SNX29: variants seen among roughly 807,000 people sequenced by gnomAD.
The protein encoded by SNX29 is sorting nexin-29.
Under a neutral mutation model 102.1 loss-of-function variants are expected in SNX29, and 78 were observed. The ratio of observed to expected loss-of-function variants is 0.76; its 90% CI spans 0.64 to 0.92. The LOEUF is 0.92. SNX29 is among the 40% of genes least tolerant of loss of function. SNX29 has a pLI of 0.00. For synonymous variants in SNX29, 580 were observed against 414.5 expected, an observed-to-expected ratio of 1.40 and a Z score of -4.85; for missense variants, 1,280 against 1,061.7, an observed-to-expected ratio of 1.21 and a Z score of -2.86.
intron 19 of SNX29, among the ~76,000 whole-genome samples, chr16:12,518,079 C>T (rs185564355): frequency 1.9e-4 from 29 of 152,272 alleles, no homozygotes; most frequent in African/African-American, 5.5e-4. Context: ...CCATGAGCCA[C>T]GCTAGTTTAG....
At chr16:12,291,228 A>G (rs759509823) in intron 15 of SNX29, among the ~76,000 whole-genome samples, 1 of 152,178 alleles carries the variant, frequency 6.6e-6, no homozygotes, top group Non-Finnish European at 1.5e-5. Context: ...AAGACCGGGA[A>G]GAAAAAGAGG....
At position 12,069,030 on chromosome 16, in the gene SNX29, C is replaced by G. The variant is rs143474312; in HGVS notation, c.1244-27C>G. On this transcript the variant is annotated intron_variant, in intron 9 of 20. Coordinates refer to ENST00000566228, the MANE Select transcript of SNX29 (RefSeq NM_032167.5). The stretch of plus-strand genomic sequence containing the variant: ...GAACATGTAGTGAGAAAAGTGACCT[C>G]TTTCTGTGATTGCTCTCTCTGCACA... 2.2e-4 allele frequency: 357 copies of G among 1,609,792 alleles called. 4 individuals carry two copies. The East Asian group carries it at 7.2e-3, about 32-fold the overall frequency.
intron 11 of SNX29, chr16:12,090,288 G>T (rs1393976109): frequency 2.0e-5 from 3 of 152,350 alleles, no homozygotes; most frequent in Non-Finnish European, 4.4e-5. Context: ...GGCATCCTTT[G>T]TGATTGGAGC....
chr16:12,466,510 G>C (rs2087058134), intron 18 of SNX29, among the ~76,000 whole-genome samples: 1 of 152,196 alleles, frequency 6.6e-6, no homozygotes, highest in Non-Finnish European at 1.5e-5. Context: ...ACTACCAGAT[G>C]AACCTGCCGT....
intron 20 of SNX29, among the ~76,000 whole-genome samples, chr16:12,548,691 C>G (rs1055181931): frequency 1.3e-5 from 2 of 152,220 alleles, no homozygotes; most frequent in Non-Finnish European, 2.9e-5. Context: ...GCCCAGAGCA[C>G]TGCAGGGCAT....
chr16:12,414,210 T>TA (rs2084530380), intron 18 of SNX29, among the ~76,000 whole-genome samples: 1 of 152,122 alleles, frequency 6.6e-6, no homozygotes, highest in Admixed American at 6.6e-5. Flanking sequence ...CTGACTGTAT[T>TA]AAAAATTAAA....
intron 15 of SNX29, among the ~76,000 whole-genome samples, chr16:12,326,333 T>TTA (rs985452664): frequency 2.0e-5 from 3 of 150,014 alleles, no homozygotes; most frequent in Admixed American, 6.6e-5. Flanking sequence ...TTTTGTCTTT[T>TTA]TTTTTTTTTC....
At chr16:12,531,196 G>A (rs1466795406) in intron 20 of SNX29, among the ~76,000 whole-genome samples, 1 of 152,212 alleles carries the variant, frequency 6.6e-6, no homozygotes, top group Non-Finnish European at 1.5e-5. Flanking sequence ...CAGAACAGCT[G>A]CAAGAAGCAG....
chr16:12,347,625 C>T (rs1194167755), intron 15 of SNX29, among the ~76,000 whole-genome samples: 6 of 152,124 alleles, frequency 3.9e-5, no homozygotes, highest in African/African-American at 1.4e-4. Context: ...ATATGTAAAA[C>T]ACTTAGAGTG....
chr16:12,135,575 A>G (rs975887680), intron 13 of SNX29: 5 of 1,335,298 alleles, frequency 3.7e-6, no homozygotes, highest in Non-Finnish European at 2.0e-6. Context: ...TTGTGAGGAG[A>G]TTCTAACCCC....
intron 15 of SNX29, among the ~76,000 whole-genome samples, chr16:12,355,420 A>C (rs1160242995): frequency 6.6e-6 from 1 of 152,136 alleles, no homozygotes; most frequent in Non-Finnish European, 1.5e-5. Flanking sequence ...GTTAGTGCTT[A>C]GGTGAGTCCT....
chr16:12,137,785 G>T (rs2054715863), intron 13 of SNX29, among the ~76,000 whole-genome samples: 1 of 152,224 alleles, frequency 6.6e-6, no homozygotes, highest in Non-Finnish European at 1.5e-5. Context: ...TGGGAATTGA[G>T]AAGGTCAGGC....
intron 1 of SNX29, among the ~76,000 whole-genome samples, chr16:11,982,691 A>G (rs1244892911): frequency 6.6e-6 from 1 of 152,060 alleles, no homozygotes; most frequent in Non-Finnish European, 1.5e-5. Context: ...GGCCTCCCAA[A>G]GTGCTGGGAT....
chr16:12,294,120 C>T (rs1453540247), intron 15 of SNX29, among the ~76,000 whole-genome samples: 2 of 152,234 alleles, frequency 1.3e-5, no homozygotes, highest in African/African-American at 4.8e-5. Context: ...ATGTGAGAAT[C>T]GAAATCCTAG....
intron 7 of SNX29, among the ~76,000 whole-genome samples, chr16:12,050,602 C>T (rs960629346): frequency 2.6e-5 from 4 of 152,076 alleles, no homozygotes; most frequent in African/African-American, 2.4e-5. Flanking sequence ...ATCCTCCAGT[C>T]GGCTGAACTG....
At chr16:12,231,189 G>A (rs908923809) in intron 14 of SNX29, among the ~76,000 whole-genome samples, 6 of 152,122 alleles carry the variant, frequency 3.9e-5, no homozygotes, top group African/African-American at 1.4e-4. Flanking sequence ...TGTCTGATTA[G>A]GAAACAGAGG....
At chr16:12,060,286 C>T (rs995688220) in intron 8 of SNX29, among the ~76,000 whole-genome samples, 1 of 152,110 alleles carries the variant, frequency 6.6e-6, no homozygotes, top group Non-Finnish European at 1.5e-5. Flanking sequence ...GCAAATACTA[C>T]ACCGTTTTAC....
At chr16:12,401,447 C>G (rs1383347530) in intron 17 of SNX29, among the ~76,000 whole-genome samples, 2 of 149,414 alleles carry the variant, frequency 1.3e-5, no homozygotes, top group African/African-American at 4.9e-5. Context: ...TCACTGCAAC[C>G]TCTGCCTCCG....
intron 20 of SNX29, among the ~76,000 whole-genome samples, chr16:12,554,165 C>T (rs145656840): frequency 1.2e-4 from 19 of 152,298 alleles, no homozygotes; most frequent in Non-Finnish European, 2.6e-4. Context: ...AGTAAATGAG[C>T]AATGTGTGAA....
Sources: gnomAD v4.1 joint callset for allele counts (sites outside exome capture counted in the v4.1 genomes callset) on GRCh38, gnomAD v4.1.1 for gene constraint, MANE v1.5 for transcripts, NCBI Gene and HGNC (gene_info 2026-07-23, HGNC 2026-07-21) for gene names.